The following ZG16 variants were observed in gnomAD, a reference collection of about 807,000 sequenced individuals.
ZG16 encodes zymogen granule protein 16.
Under a neutral mutation model 15.6 loss-of-function variants are expected in ZG16, and 9 were observed. The observed-to-expected ratio is 0.58, with a 90% CI of 0.35 to 1.00. The LOEUF (loss-of-function observed/expected upper bound fraction) is 1.00. Ranked by LOEUF, ZG16 falls within the 50% of genes least tolerant of loss-of-function variation. The probability of loss-of-function intolerance (pLI) is 0.02; values close to 1 mark genes in which losing one functional copy is unlikely to be tolerated. For synonymous variants in ZG16, 89 were observed against 87.4 expected (o/e 1.02, Z -0.10); for missense variants, 174 against 214.8 (o/e 0.81, Z 1.19).
rs1898625644 is a variant in ZG16 at position 29,781,611 on chromosome 16, T to TA, written c.*1193dup. ...CTCCAACATGGTAAAACCCTGTCTC[T>TA]ACTAAAAATACAAAAATTAGCCAGG... is the stretch of plus-strand genomic sequence containing the variant. On this transcript the variant is annotated 3_prime_UTR_variant, in exon 4 of 4. Transcript: ENST00000400752. The TA allele has an allele frequency of 6.6e-6, 1 of 152,106 alleles. No homozygotes were observed. The highest frequency in any genetic ancestry group is 1.9e-4 in the East Asian group (1 of 5,182). 9.4% of individuals were successfully genotyped at this position (152,106 alleles called of 1,614,324 possible). A position where few individuals can be genotyped will look rare whatever the true frequency, so the allele number is the denominator to read the frequency against.
In ZG16 at chr16:29,779,842, GGTGA is replaced by G. The variant is rs578053934; in HGVS notation, c.188+208_188+211del. ...AACAAAAAAATTAGCCAGGCATGGT[GGTGA>G]GTACCTGTAGCCTCAACTACTCAGG... is the stretch of plus-strand genomic sequence containing the variant. On this transcript the variant is annotated intron_variant, in intron 3 of 3. Transcript: ENST00000400752. Among the ~76,000 whole-genome samples, 4 of 152,230 alleles carry G rather than the reference GGTGA, an allele frequency of 2.6e-5. No individual in the cohort carries two copies. The South Asian group carries it at 8.3e-4, about 32-fold the overall frequency.
Position 29,782,936 on chromosome 16 carries a change from A to T in ZG16, c.*2517A>T, listed in dbSNP as rs1354764789. 6.6e-6 allele frequency: 1 copy of T among 152,216 alleles called. No individual in the cohort carries two copies. The highest frequency in any genetic ancestry group is 2.4e-5 in the African/African-American group (1 of 41,464). The allele number at this position is 152,216 out of a possible 1,614,324, so 9.4% of individuals were successfully genotyped here. A position where few individuals can be genotyped will look rare whatever the true frequency, so the allele number is the denominator to read the frequency against. On this transcript the variant is annotated 3_prime_UTR_variant, in exon 4 of 4. Coordinates refer to ENST00000400752, the MANE Select transcript of ZG16 (RefSeq NM_152338.4). The stretch of plus-strand genomic sequence containing the variant: ...CATAAATTGTGAAGATTTCATGAAC[A>T]TTTATCAGTTCCCAAATAATACTCT...
chr16:29,779,659 G>A lies in ZG16; in HGVS notation c.188+22G>A, dbSNP rs1221387422. On this transcript the variant is annotated intron_variant, in intron 3 of 3. Transcript: ENST00000400752. ...TAGGGTAAGATTCTTTGAATTCCTG[G>A]CTGGGCGCGGTGGCTCACATCTGTC... 42 of 1,536,368 alleles carry A rather than the reference G, an allele frequency of 2.7e-5. No homozygotes were observed. In the East Asian group the frequency reaches 1.0e-3, roughly 37 times the overall value.
intron 3 of ZG16, 117 bp from the exon 4 acceptor site, chr16:29,779,987 A>G: frequency 1.0e-6 from 1 of 984,844 alleles, no homozygotes. Context: ...AATGAGTTGA[A>G]GTTCCCTGTA....
Position 29,779,392 on chromosome 16 carries a change from G to A in ZG16, c.55+71G>A, listed in dbSNP as rs1325090698. 14 of 1,535,618 alleles carry A rather than the reference G, an allele frequency of 9.1e-6. No individual in the cohort carries two copies. The South Asian group carries it at 1.3e-4, about 14-fold the overall frequency. ...GCCTTGGGCACTGCTGTTGGCCAAG[G>A]CTTTTGGAGGTTGGCTTGGGGTGGG... is the stretch of plus-strand genomic sequence containing the variant. On this transcript the variant is annotated intron_variant, in intron 2 of 3. Transcript: ENST00000400752.
In ZG16 at chr16:29,780,480, C is replaced by G; in HGVS notation, c.*61C>G. 2 of 1,345,808 alleles carry G rather than the reference C, an allele frequency of 1.5e-6. No individual in the cohort carries two copies. The highest frequency in any genetic ancestry group is 1.9e-6 in the Non-Finnish European group (2 of 1,028,884). 83.4% of individuals were successfully genotyped at this position (1,345,808 alleles called of 1,614,324 possible). A position where few individuals can be genotyped will look rare whatever the true frequency, so the allele number is the denominator to read the frequency against. On this transcript the variant is annotated 3_prime_UTR_variant, in exon 4 of 4. Transcript: ENST00000400752. ...GTAAGAACTCCCTTATCACTAACCC[C>G]CATCCAAATGGCTCAATAAAAAAAA...
rs984948031 is a variant in ZG16, at chr16:29,781,026, T to A, written c.*607T>A. On this transcript the variant is annotated 3_prime_UTR_variant, in exon 4 of 4. Transcript: ENST00000400752. ...CGGTGTCCTGCTAAGCCCTCTCAGATCTGGGATTCCTCCTTCCTCAGGAAG... is the reference window on the plus strand; with the variant it reads ...CGGTGTCCTGCTAAGCCCTCTCAGAACTGGGATTCCTCCTTCCTCAGGAAG... 1 of 152,632 alleles carries A rather than the reference T, an allele frequency of 6.6e-6. No homozygotes were observed. Among genetic ancestry groups the A allele is most frequent in the Non-Finnish European group, 1.5e-5 (1 of 68,398 alleles). 9.5% of individuals were successfully genotyped at this position (152,632 alleles called of 1,614,324 possible).
rs1898629906 is a variant in ZG16, at chr16:29,782,040, T to C, written c.*1621T>C. On this transcript the variant is annotated 3_prime_UTR_variant, in exon 4 of 4. Transcript: ENST00000400752. ...TCTTTGTGACAGACAAGAGCTGCTC[T>C]GCCTCTTGGGAAACACAGGCACCAG... 1 of 152,260 alleles carries C rather than the reference T, an allele frequency of 6.6e-6. No homozygotes were observed. The highest frequency in any genetic ancestry group is 2.4e-5 in the African/African-American group (1 of 41,448). The allele number at this position is 152,260 out of a possible 1,614,324, so 9.4% of individuals were successfully genotyped here.
At chr16:29,779,764 C>A in intron 3 of ZG16, 127 bp downstream of exon 3, 1 of 1,243,384 alleles carries the variant, frequency 8.0e-7, no homozygotes, top group Non-Finnish European at 1.1e-6. Context: ...GCCAGGGATG[C>A]CAGGGATTTA....
intron 1 of ZG16, among the ~76,000 whole-genome samples, chr16:29,778,764 A>C (rs1898585991): frequency 6.6e-6 from 1 of 152,214 alleles, no homozygotes; most frequent in Non-Finnish European, 1.5e-5. Flanking sequence ...CAGGTGCCCC[A>C]TAATCCAGGC....
Position 29,780,931 on chromosome 16 carries a change from CT to C in ZG16, c.*513del, listed in dbSNP as rs1898617637. The C allele has an allele frequency of 6.5e-6, 1 of 153,424 alleles. No homozygotes were observed. The allele number at this position is 153,424 out of a possible 1,614,324, so 9.5% of individuals were successfully genotyped here. ...AACCCACCTGACTCCTGAAACTTAG[CT>C]GAAGTCTGTGCCCGAGGACCCTGCC... On this transcript the variant is annotated 3_prime_UTR_variant, in exon 4 of 4. Coordinates refer to ENST00000400752, the MANE Select transcript of ZG16 (RefSeq NM_152338.4).
At chr16:29,778,633 G>C (rs531356224) in intron 1 of ZG16, among the ~76,000 whole-genome samples, 1 of 152,264 alleles carries the variant, frequency 6.6e-6, no homozygotes, top group South Asian at 2.1e-4. Context: ...AGCACTGCTT[G>C]GATACTGGTG....
chr16:29,780,064 ATCACCTTTCTTTC>A, intron 3 of ZG16, 27 bp from the exon 4 acceptor site: 1 of 1,497,918 alleles, frequency 6.7e-7, no homozygotes, highest in Non-Finnish European at 8.9e-7. Flanking sequence ...CATCCCTATC[ATCACCTTTCTTTC>A]TCCTTCCTTC....
chr16:29,780,358 C>T lies in ZG16; in HGVS notation c.443C>T (p.Ser148Phe). Reference sequence around the variant, plus strand: ...CGCTTCATCAGTGGCCGGTCTGGTTCTCTCATCGATGCCATTGGCCTGCAC... The same window carrying T: ...CGCTTCATCAGTGGCCGGTCTGGTTTTCTCATCGATGCCATTGGCCTGCAC... ...VLRFISGRSG[S>F]LIDAIGLHWD... is the part of the protein sequence containing the mutation. The change falls in exon 4 of 4, where the codon TCT (serine) becomes TTT (phenylalanine). Residue 148 changes from serine to phenylalanine, a missense_variant. Physicochemically the swap from Ser to Phe is radical, Grantham distance 155 (BLOSUM62 -2). Transcript: ENST00000400752. 1.3e-6 allele frequency: 2 copies of T among 1,537,304 alleles called. No homozygotes were observed. Among genetic ancestry groups the T allele is most frequent in the South Asian group, 1.2e-5 (1 of 84,068 alleles).
chr16:29,780,460 A>AGGG lies in ZG16; in HGVS notation c.*41_*42insGGG. 1 of 1,462,440 alleles carries AGGG rather than the reference A, an allele frequency of 6.8e-7. No homozygotes were observed. Among genetic ancestry groups the AGGG allele is most frequent in the Non-Finnish European group, 9.1e-7 (1 of 1,098,586 alleles). The allele number at this position is 1,462,440 out of a possible 1,614,324, so 90.6% of individuals were successfully genotyped here. A position where few individuals can be genotyped will look rare whatever the true frequency, so the allele number is the denominator to read the frequency against. ...CAGGGGCACTGTGATGAGGAGTAAG[A>AGGG]ACTCCCTTATCACTAACCCCCATCC... On this transcript the variant is annotated 3_prime_UTR_variant, in exon 4 of 4. Coordinates refer to ENST00000400752, the MANE Select transcript of ZG16 (RefSeq NM_152338.4).
intron 1 of ZG16, 59 bp downstream of exon 1, chr16:29,778,365 C>G (rs894438891): frequency 2.6e-5 from 4 of 152,074 alleles, no homozygotes. Context: ...TCTGAGCTGG[C>G]GAAGAGGATG....
Position 29,779,600 on chromosome 16 carries a change from G to A in ZG16, c.151G>A (p.Ala51Thr), listed in dbSNP as rs1479252783. 31 of 1,536,840 alleles carry A rather than the reference G, an allele frequency of 2.0e-5. No individual in the cohort carries two copies. Among genetic ancestry groups the A allele is most frequent in the East Asian group, 4.9e-5 (2 of 40,906 alleles). Reference sequence around the variant, plus strand: ...CAACCAGTTGGACGGCCCCATCACCGCCCTCCGGGTCCGAGTCAACACATA... The same window carrying A: ...CAACCAGTTGGACGGCCCCATCACCACCCTCCGGGTCCGAGTCAACACATA... ...SGNQLDGPITALRVRVNTYYI... is the reference protein window; with the variant it reads ...SGNQLDGPITTLRVRVNTYYI... Residue 51 changes from alanine (A) to threonine (T), a missense_variant, in exon 3 of 4, where the codon GCC (alanine) becomes ACC (threonine). Physicochemically the swap from Ala to Thr is moderately conservative, Grantham distance 58. Coordinates refer to ENST00000400752, the MANE Select transcript of ZG16 (RefSeq NM_152338.4).
At position 29,780,628 on chromosome 16, in the gene ZG16, T is replaced by A. The variant is rs1226473607; in HGVS notation, c.*209T>A. The A allele has an allele frequency of 4.1e-5, 23 of 558,920 alleles. No homozygotes were observed. The East Asian group carries it at 6.5e-4, about 16-fold the overall frequency. 34.6% of individuals were successfully genotyped at this position (558,920 alleles called of 1,614,324 possible). ...GACATCTGTCTGGAAGATGGGAAGA[T>A]GAGGGAGAGGTATGTAAGAATCCTG... On this transcript the variant is annotated 3_prime_UTR_variant, in exon 4 of 4. Transcript: ENST00000400752.
Position 29,781,748 on chromosome 16 carries a change from G to A in ZG16, c.*1329G>A, listed in dbSNP as rs954112929. 4 of 152,022 alleles carry A rather than the reference G, an allele frequency of 2.6e-5. No individual in the cohort carries two copies. Among genetic ancestry groups the A allele is most frequent in the African/African-American group, 9.7e-5 (4 of 41,364 alleles). The allele number at this position is 152,022 out of a possible 1,614,324, so 9.4% of individuals were successfully genotyped here. A position where few individuals can be genotyped will look rare whatever the true frequency, so the allele number is the denominator to read the frequency against. On this transcript the variant is annotated 3_prime_UTR_variant, in exon 4 of 4. Coordinates refer to ENST00000400752, the MANE Select transcript of ZG16 (RefSeq NM_152338.4). ...GTTGAGACAGCACAACTGCACCCCA[G>A]CCTGGATGACAGAGTGAGACTCCAT...
Sources: gnomAD v4.1 joint callset for allele counts (sites outside exome capture counted in the v4.1 genomes callset) on GRCh38, gnomAD v4.1.1 for gene constraint, MANE v1.5 for transcripts, NCBI Gene and HGNC (gene_info 2026-07-23, HGNC 2026-07-21) for gene names.